The following ATL1 variants were observed in gnomAD, a reference collection of about 807,000 sequenced individuals.
ATL1 encodes the protein atlastin GTPase 1, also known as atlastin-1.
In ATL1, 31 loss-of-function variants were observed where a neutral mutation model predicts 75.5. The ratio of observed to expected loss-of-function variants is 0.41; its 90% CI spans 0.31 to 0.55. The LOEUF (loss-of-function observed/expected upper bound fraction) is 0.55, where lower values mean the gene tolerates loss of function less well. ATL1 is among the 20% of genes least tolerant of loss of function. ATL1 has a pLI of 0.27. For missense variants in ATL1, 405 were observed against 662.6 expected, an observed-to-expected ratio of 0.61 and a Z score of 4.27; for synonymous variants, 226 against 233.3, an observed-to-expected ratio of 0.97 and a Z score of 0.28.
intron 6 of ATL1, among the ~76,000 whole-genome samples, chr14:50,597,505 G>T (rs1176646465): frequency 6.6e-6 from 1 of 151,978 alleles, no homozygotes; most frequent in Non-Finnish European, 1.5e-5. Flanking sequence ...GAGAAATGGG[G>T]ATGTATCAGG....
At chr14:50,562,456 C>G (rs1379768820) in intron 1 of ATL1, among the ~76,000 whole-genome samples, 1 of 152,170 alleles carries the variant, frequency 6.6e-6, no homozygotes, top group Non-Finnish European at 1.5e-5. Flanking sequence ...CTCCCATCTT[C>G]CAGCCAGAGC....
intron 11 of ATL1, among the ~76,000 whole-genome samples, chr14:50,623,495 G>A (rs990738730): frequency 1.3e-5 from 2 of 151,470 alleles, no homozygotes; most frequent in African/African-American, 4.9e-5. Context: ...ACATATTTGG[G>A]GGGAGCGCCA....
chr14:50,570,995 T>C (rs1237264981), intron 1 of ATL1, among the ~76,000 whole-genome samples: 1 of 152,226 alleles, frequency 6.6e-6, no homozygotes, highest in Admixed American at 6.5e-5. Context: ...CCTCTGTGTA[T>C]GCAGTTGCTT....
chr14:50,574,404 T>C (rs2038982012), intron 1 of ATL1, among the ~76,000 whole-genome samples: 1 of 152,214 alleles, frequency 6.6e-6, no homozygotes, highest in African/African-American at 2.4e-5. Context: ...TGTAGTGCTG[T>C]AGTTTCAGTC....
chr14:50,614,963 A>G (rs2039401058), intron 8 of ATL1, among the ~76,000 whole-genome samples: 1 of 152,232 alleles, frequency 6.6e-6, no homozygotes, highest in African/African-American at 2.4e-5. Flanking sequence ...TTCACTAAAA[A>G]TGAAATCTTG....
chr14:50,617,834 G>C (rs558803301), intron 8 of ATL1, among the ~76,000 whole-genome samples: 1 of 152,188 alleles, frequency 6.6e-6, no homozygotes, highest in African/African-American at 2.4e-5. Context: ...TCTGGTTCAT[G>C]TCTTTACTGT....
intron 4 of ATL1, 26 bp from the exon 5 acceptor site, chr14:50,593,820 C>T: frequency 6.8e-7 from 1 of 1,480,804 alleles, no homozygotes; most frequent in South Asian, 1.1e-5. Flanking sequence ...GTTATCTTAT[C>T]ATTGTAATTT....
At chr14:50,559,095 A>G (rs1216378683), upstream of ATL1, 2 of 152,396 alleles carry the variant, frequency 1.3e-5, no homozygotes, top group East Asian at 3.8e-4. Flanking sequence ...GCAGAAGACT[A>G]CAAGTATAGA....
At chr14:50,573,218 C>G (rs2038970647) in intron 1 of ATL1, among the ~76,000 whole-genome samples, 1 of 152,072 alleles carries the variant, frequency 6.6e-6, no homozygotes, top group Non-Finnish European at 1.5e-5. Context: ...ATTTTTTTTA[C>G]CCATGAATAT....
chr14:50,630,059 ATAT>A (rs1566736493), intron 13 of ATL1, 50 bp downstream of exon 13: 6 of 1,330,494 alleles, frequency 4.5e-6, no homozygotes, highest in East Asian at 4.6e-5. Context: ...AAACATTATG[ATAT>A]TATTTTATAA....
chr14:50,590,924 A>G lies in ATL1; in HGVS notation c.283-17A>G, dbSNP rs1282154707. ...ACACATATCAAGTTCCATATCATAG[A>G]CTTTATCATTTTATAGGAATCAGTT... On this transcript the variant is annotated splice_polypyrimidine_tract_variant and intron_variant, in intron 2 of 13. Coordinates refer to ENST00000358385, the MANE Select transcript of ATL1 (RefSeq NM_015915.5). 1.9e-6 allele frequency: 3 copies of G among 1,612,800 alleles called. No homozygotes were observed. Among genetic ancestry groups the G allele is most frequent in the Admixed American group, 3.3e-5 (2 of 60,016 alleles).
chr14:50,632,121 T>A (rs1277800212), intron 13 of ATL1, 108 bp from the exon 14 acceptor site: 3 of 664,410 alleles, frequency 4.5e-6, no homozygotes, highest in Non-Finnish European at 5.1e-6. Flanking sequence ...AAAAAAGATT[T>A]CAAATTCAAC....
At chr14:50,602,892 T>C (rs1168728461) in intron 6 of ATL1, among the ~76,000 whole-genome samples, 1 of 152,184 alleles carries the variant, frequency 6.6e-6, no homozygotes, top group African/African-American at 2.4e-5. Flanking sequence ...ATGCCACAGT[T>C]CTGCTGAATT....
At chr14:50,599,162 T>A (rs2039248538) in intron 6 of ATL1, among the ~76,000 whole-genome samples, 1 of 152,198 alleles carries the variant, frequency 6.6e-6, no homozygotes, top group African/African-American at 2.4e-5. Context: ...GTAGAAGACA[T>A]TGACAATGTC....
intron 1 of ATL1, among the ~76,000 whole-genome samples, 161 bp from the exon 2 acceptor site, chr14:50,587,670 A>G (rs989811744): frequency 6.6e-6 from 1 of 152,170 alleles, no homozygotes; most frequent in Non-Finnish European, 1.5e-5. Flanking sequence ...CAGCCTCCCA[A>G]GGTGCTAGGA....
At chr14:50,589,985 G>C (rs528194426) in intron 2 of ATL1, among the ~76,000 whole-genome samples, 1 of 152,162 alleles carries the variant, frequency 6.6e-6, no homozygotes, top group East Asian at 1.9e-4. Flanking sequence ...TATCAACCAA[G>C]GTCACCAATT....
intron 1 of ATL1, among the ~76,000 whole-genome samples, chr14:50,583,131 T>C (rs1474856385): frequency 6.6e-6 from 1 of 152,168 alleles, no homozygotes; most frequent in Non-Finnish European, 1.5e-5. Flanking sequence ...TAGGCAAATA[T>C]TGGAGACATT....
chr14:50,599,628 C>T (rs1407903541), intron 6 of ATL1, among the ~76,000 whole-genome samples: 1 of 152,018 alleles, frequency 6.6e-6, no homozygotes, highest in African/African-American at 2.4e-5. Context: ...GAATACTTTG[C>T]AACATCTAAA....
chr14:50,615,998 A>AT (rs1009179743), intron 8 of ATL1, among the ~76,000 whole-genome samples: 37 of 152,130 alleles, frequency 2.4e-4, no homozygotes, highest in African/African-American at 7.9e-4. Context: ...TATTATTTTT[A>AT]TTTTTTATTT....
Sources: gnomAD v4.1 joint callset for allele counts (sites outside exome capture counted in the v4.1 genomes callset) on GRCh38, gnomAD v4.1.1 for gene constraint, MANE v1.5 for transcripts, NCBI Gene and HGNC (gene_info 2026-07-23, HGNC 2026-07-21) for gene names.